The following NIN variants were observed in gnomAD, a reference collection of about 807,000 sequenced individuals.
NIN encodes ninein, also known as glycogen synthase kinase 3 beta-interacting protein.
A neutral mutation model predicts 257.6 loss-of-function variants in NIN; 137 were observed. The observed-to-expected ratio is 0.53, with a 90% CI of 0.46 to 0.61. The LOEUF is 0.61. Ranked by LOEUF, NIN falls within the 20% of genes least tolerant of loss-of-function variation. NIN has a pLI of 0.00. For missense variants in NIN, 2,439 were observed against 2,501.2 expected (o/e 0.98, Z 0.53); for synonymous variants, 918 against 919.8 (o/e 1.00, Z 0.04).
intron 2 of NIN, among the ~76,000 whole-genome samples, chr14:50,828,053 A>T (rs1363018403): frequency 1.3e-5 from 2 of 151,944 alleles, no homozygotes; most frequent in East Asian, 1.9e-4. Context: ...ACCTGTAATC[A>T]ACTACTAAGT....
Position 50,830,490 on chromosome 14 carries a change from G to C in NIN, c.-48C>G, listed in dbSNP as rs2045655234. The C allele has an allele frequency of 3.0e-5, 5 of 167,200 alleles. 1 individual carries two copies. The Admixed American group carries it at 3.3e-4, about 11-fold the overall frequency. 10.4% of individuals were successfully genotyped at this position (167,200 alleles called of 1,614,324 possible). On this transcript the variant is annotated 5_prime_UTR_variant, in exon 2 of 31. Transcript: ENST00000530997. The stretch of plus-strand genomic sequence containing the variant: ...TTCTGTCGGTCTCTCCGGAGCGCCC[G>C]CACAGCCGGCAGCCCGCCTCCAGCG...
intron 5 of NIN, among the ~76,000 whole-genome samples, chr14:50,780,614 C>G (rs2043098281): frequency 6.6e-6 from 1 of 152,196 alleles, no homozygotes; most frequent in Non-Finnish European, 1.5e-5. Context: ...GGCCAACCAC[C>G]TACCACAGTT....
At chr14:50,735,672 G>A (rs2040940481) in intron 27 of NIN, 55 bp from the exon 28 acceptor site, 6 of 1,544,328 alleles carry the variant, frequency 3.9e-6, no homozygotes, top group African/African-American at 1.4e-5. Context: ...CACTTGAGTT[G>A]TTCTACTTTA....
At chr14:50,765,746 A>AC in intron 14 of NIN, among the ~76,000 whole-genome samples, 1 of 151,362 alleles carries the variant, frequency 6.6e-6, no homozygotes, top group East Asian at 1.9e-4. Flanking sequence ...AAAAAAAAAA[A>AC]CCCACAGGAC....
In NIN at chr14:50,760,232, T is replaced by A. The variant is rs369112110; in HGVS notation, c.2024A>T (p.Glu675Val). 1.1e-5 allele frequency: 18 copies of A among 1,613,338 alleles called. No individual in the cohort carries two copies. The highest frequency in any genetic ancestry group is 8.9e-5 in the East Asian group (4 of 44,882). ...LEKQISDLKN[E>V]IAELQGQAAV... ...TGCTTGCCCCTGAAGTTCAGCAATT[T>A]CATTTTTAAGGTCACTTATTTGTTT... Residue 675 changes from glutamate (E) to valine (V), a missense_variant, in exon 17 of 31, where the codon GAA (glutamate) becomes GTA (valine). This residue lies in a region of NIN where 2,043 missense variants were observed against 2,050.2 expected (regional missense o/e 1.00). Transcript: ENST00000530997.
chr14:50,809,157 G>T (rs1159516704), intron 3 of NIN, among the ~76,000 whole-genome samples: 1 of 152,130 alleles, frequency 6.6e-6, no homozygotes, highest in African/African-American at 2.4e-5. Flanking sequence ...GGAGGTGTAG[G>T]TTGCAGTGAG....
In NIN at chr14:50,729,260, T is replaced by G. The variant is rs1178274657; in HGVS notation, c.6078+263A>C. ...AGATTTAGGATTGTGATTTTGTTTT[T>G]TTTTTTTTTAATTTAAGAGATGGAG... is the stretch of plus-strand genomic sequence containing the variant. On this transcript the variant is annotated intron_variant, in intron 29 of 30. Transcript: ENST00000530997. Among the ~76,000 whole-genome samples the G allele has an allele frequency of 2.1e-5, 3 of 140,380 alleles. No homozygotes were observed. In the East Asian group the frequency reaches 5.8e-4, roughly 27 times the overall value. 92.1% of individuals were successfully genotyped at this position (140,380 alleles called of 152,430 possible).
intron 7 of NIN, among the ~76,000 whole-genome samples, chr14:50,773,454 T>A (rs2042807098): frequency 6.6e-6 from 1 of 152,234 alleles, no homozygotes; most frequent in Non-Finnish European, 1.5e-5. Context: ...CCCAGTGTCA[T>A]AACAGTAGAA....
intron 28 of NIN, 31 bp downstream of exon 28, chr14:50,735,485 C>A (rs2040931507): frequency 1.2e-6 from 2 of 1,607,758 alleles, no homozygotes; most frequent in South Asian, 1.1e-5. Context: ...ACATATTCTT[C>A]ATAGCTAAGG....
intron 12 of NIN, 46 bp downstream of exon 12, chr14:50,770,342 G>A (rs1219573828): frequency 1.9e-6 from 3 of 1,574,098 alleles, no homozygotes; most frequent in Non-Finnish European, 2.6e-6. Flanking sequence ...TTTCCACGTG[G>A]TGTTCCCGGC....
At chr14:50,813,166 G>T (rs1595923655) in intron 3 of NIN, among the ~76,000 whole-genome samples, 2 of 152,292 alleles carry the variant, frequency 1.3e-5, no homozygotes, top group East Asian at 3.9e-4. Flanking sequence ...GGCTAACTAT[G>T]TTCAGCAACT....
At chr14:50,822,782 C>A (rs1252680162) in intron 2 of NIN, among the ~76,000 whole-genome samples, 1 of 152,240 alleles carries the variant, frequency 6.6e-6, no homozygotes, top group Non-Finnish European at 1.5e-5. Flanking sequence ...GGTGCAATTA[C>A]ATGAGGTGTG....
chr14:50,796,102 T>C (rs1029047525), intron 4 of NIN, among the ~76,000 whole-genome samples: 13 of 152,270 alleles, frequency 8.5e-5, no homozygotes, highest in African/African-American at 2.9e-4. Context: ...CCCTGGATTG[T>C]TAAGCTTCTG....
chr14:50,792,970 A>G, intron 4 of NIN, 89 bp from the exon 5 acceptor site: 1 of 1,340,010 alleles, frequency 7.5e-7, no homozygotes, highest in Middle Eastern at 1.8e-4. Flanking sequence ...AGCCTCTTAT[A>G]CCAACCTCAA....
chr14:50,831,285 C>T (rs2045698841), upstream of NIN, among the ~76,000 whole-genome samples: 1 of 152,046 alleles, frequency 6.6e-6, no homozygotes, highest in South Asian at 2.1e-4. Context: ...CTCGCAGACG[C>T]GCCCTCCCGC....
intron 3 of NIN, among the ~76,000 whole-genome samples, chr14:50,810,112 T>C (rs1183581948): frequency 6.6e-6 from 1 of 151,646 alleles, no homozygotes; most frequent in African/African-American, 2.4e-5. Flanking sequence ...GCGCCTGTAG[T>C]CCCAGCTACT....
At chr14:50,790,882 A>G (rs1354372716) in intron 5 of NIN, among the ~76,000 whole-genome samples, 3 of 152,250 alleles carry the variant, frequency 2.0e-5, no homozygotes, top group African/African-American at 4.8e-5. Context: ...GCACCAGTAG[A>G]TAACATATAA....
intron 5 of NIN, among the ~76,000 whole-genome samples, chr14:50,779,619 G>C (rs565711910): frequency 1.3e-5 from 2 of 152,138 alleles, no homozygotes; most frequent in Admixed American, 6.5e-5. Flanking sequence ...TTAGCCAGGC[G>C]AGGTGGCGGG....
Position 50,741,736 on chromosome 14 carries a change from G to A in NIN, c.5302-8C>T, listed in dbSNP as rs370860286. 21 of 1,612,514 alleles carry A rather than the reference G, an allele frequency of 1.3e-5. No individual in the cohort carries two copies. In the African/African-American group the frequency reaches 2.4e-4, roughly 18 times the overall value. ...GTCTTCTAAATTCTGAACCTGTATT[G>A]TGAGAATGATCTTTTACTGCTACAC... On this transcript the variant is annotated splice_polypyrimidine_tract_variant and splice_region_variant and intron_variant, in intron 24 of 30. Coordinates refer to ENST00000530997, the MANE Select transcript of NIN (RefSeq NM_020921.4).
Sources: gnomAD v4.1 joint callset for allele counts (sites outside exome capture counted in the v4.1 genomes callset) on GRCh38, gnomAD v4.1.1 for gene constraint, gnomAD v4.1.1 regional missense constraint, MANE v1.5 for transcripts, NCBI Gene and HGNC (gene_info 2026-07-23, HGNC 2026-07-21) for gene names.